Variants in SNAP23 observed in about 807,000 individuals in gnomAD.
SNAP23 encodes synaptosome associated protein 23.
SNAP23 carries 11 observed loss-of-function variants against 29.0 expected under a neutral mutation model. The ratio of observed to expected loss-of-function variants is 0.38; its 90% CI spans 0.24 to 0.63. The LOEUF is 0.63. Among genes scored for constraint, SNAP23 ranks in the 20% least tolerant of loss-of-function variants. The pLI is 0.58. For missense variants in SNAP23, 220 were observed against 253.9 expected (o/e 0.87, Z 0.91); for synonymous variants, 60 against 82.9 (o/e 0.72, Z 1.50).
intron 4 of SNAP23, among the ~76,000 whole-genome samples, chr15:42,513,849 T>C (rs1301864457): frequency 6.6e-6 from 1 of 152,118 alleles, no homozygotes; most frequent in African/African-American, 2.4e-5. Flanking sequence ...GTTTCGCTCT[T>C]CTTGCCCAGG....
chr15:42,525,293 G>A (rs370511023), intron 5 of SNAP23, among the ~76,000 whole-genome samples: 181 of 150,752 alleles, frequency 1.2e-3, no homozygotes, highest in African/African-American at 4.2e-3. Context: ...GTGTGAACCC[G>A]GGAGGCGGAG....
chr15:42,506,077 CT>C (rs928227240), intron 1 of SNAP23, among the ~76,000 whole-genome samples: 1 of 151,510 alleles, frequency 6.6e-6, no homozygotes, highest in Admixed American at 6.6e-5. Flanking sequence ...TCCCGAGTAG[CT>C]GGGACTACAG....
chr15:42,500,296 G>GAGTGCTGA (rs1423491886), intron 1 of SNAP23, among the ~76,000 whole-genome samples: 1 of 151,030 alleles, frequency 6.6e-6, no homozygotes, highest in Admixed American at 6.6e-5. Flanking sequence ...TTATCTCCAA[G>GAGTGCTGA]AGTGCTGAAC....
At chr15:42,513,229 T>C (rs939650595) in intron 3 of SNAP23, 170 bp from the exon 4 acceptor site, 1 of 754,088 alleles carries the variant, frequency 1.3e-6, no homozygotes, top group South Asian at 1.5e-5. Flanking sequence ...TTAATTATTT[T>C]GGGGGCTGCT....
At chr15:42,513,608 T>C (rs542924637) in intron 4 of SNAP23, among the ~76,000 whole-genome samples, 161 bp downstream of exon 4, 43 of 152,364 alleles carry the variant, frequency 2.8e-4, no homozygotes, top group Admixed American at 9.1e-4. Flanking sequence ...ATATATCATG[T>C]TCACTGTCTA....
intron 1 of SNAP23, among the ~76,000 whole-genome samples, chr15:42,510,050 C>G (rs2057348184): frequency 6.6e-6 from 1 of 152,012 alleles, no homozygotes; most frequent in Admixed American, 6.6e-5. Flanking sequence ...GCCTGGGCAA[C>G]AGAGTGAGAC....
chr15:42,497,269 C>T (rs950853271), intron 1 of SNAP23, among the ~76,000 whole-genome samples: 2 of 143,598 alleles, frequency 1.4e-5, no homozygotes, highest in African/African-American at 5.3e-5. Context: ...AGTGCAGTGG[C>T]GCGATCTTGG....
intron 1 of SNAP23, among the ~76,000 whole-genome samples, chr15:42,499,760 T>G (rs2057252852): frequency 1.3e-5 from 2 of 152,220 alleles, no homozygotes; most frequent in Admixed American, 6.5e-5. Context: ...AAGATTGAAC[T>G]AAAGCTTATG....
Position 42,528,311 on chromosome 15 carries a change from G to A in SNAP23, c.316G>A (p.Gly106Ser), listed in dbSNP as rs1323180650. 6.2e-7 allele frequency: 1 copy of A among 1,613,924 alleles called. No homozygotes were observed. Among genetic ancestry groups the A allele is most frequent in the Non-Finnish European group, 8.5e-7 (1 of 1,179,982 alleles). The change falls in exon 6 of 8, where the codon GGT becomes AGT. Residue 106 changes from glycine to serine, a missense_variant. Gly to Ser is a moderately conservative substitution (Grantham distance 56, BLOSUM62 0). Coordinates refer to ENST00000249647, the MANE Select transcript of SNAP23 (RefSeq NM_003825.4). ...GGCTTATAAGACAACATGGGGAGATGGTGGAGAAAACTCACCTTGCAATGT... is the reference window on the plus strand; with the variant it reads ...GGCTTATAAGACAACATGGGGAGATAGTGGAGAAAACTCACCTTGCAATGT... ...GKAYKTTWGD[G>S]GENSPCNVVS...
At chr15:42,497,598 T>C (rs1390914335) in intron 1 of SNAP23, among the ~76,000 whole-genome samples, 1 of 151,966 alleles carries the variant, frequency 6.6e-6, no homozygotes, top group Non-Finnish European at 1.5e-5. Context: ...CCACCTCATC[T>C]TCCCAAGGTG....
intron 5 of SNAP23, among the ~76,000 whole-genome samples, chr15:42,525,243 C>T (rs1052175941): frequency 1.3e-5 from 2 of 151,358 alleles, no homozygotes; most frequent in Non-Finnish European, 2.9e-5. Flanking sequence ...TGGCAGGCGC[C>T]TGTAGTCCCA....
At chr15:42,502,929 A>G (rs1487902141) in intron 1 of SNAP23, among the ~76,000 whole-genome samples, 2 of 152,188 alleles carry the variant, frequency 1.3e-5, no homozygotes, top group African/African-American at 2.4e-5. Flanking sequence ...TTAAGTTACC[A>G]TAGGTGCTTC....
chr15:42,512,843 C>A, intron 2 of SNAP23, 112 bp from the exon 3 acceptor site: 1 of 752,798 alleles, frequency 1.3e-6, no homozygotes, highest in Non-Finnish European at 2.3e-6. Flanking sequence ...AGCCACTGTG[C>A]CCGGCCTGAG....
intron 7 of SNAP23, among the ~76,000 whole-genome samples, chr15:42,530,361 T>G (rs189347449): frequency 6.6e-6 from 1 of 152,230 alleles, no homozygotes. Context: ...AATAGAGTCA[T>G]GTGAGTGAAA....
chr15:42,508,658 C>A (rs1466210524), intron 1 of SNAP23, among the ~76,000 whole-genome samples: 2 of 152,194 alleles, frequency 1.3e-5, no homozygotes, highest in African/African-American at 4.8e-5. Flanking sequence ...CCAGTTATAT[C>A]TGCTTTCTTT....
intron 1 of SNAP23, chr15:42,505,093 T>C (rs543903395): frequency 1.3e-5 from 2 of 151,834 alleles, no homozygotes; most frequent in African/African-American, 4.9e-5. Flanking sequence ...GTGAAATTGA[T>C]GGTGATTTTT....
At chr15:42,504,458 TG>T (rs1302288832) in intron 1 of SNAP23, among the ~76,000 whole-genome samples, 7 of 152,248 alleles carry the variant, frequency 4.6e-5, no homozygotes, top group Admixed American at 6.5e-5. Flanking sequence ...GCCTTGCAGA[TG>T]GAACTATTAA....
At chr15:42,521,363 G>C in intron 5 of SNAP23, 1 of 731,534 alleles carries the variant, frequency 1.4e-6, no homozygotes, top group Non-Finnish European at 1.7e-6. Context: ...TCTAATTTTA[G>C]GAAAGAATAT....
chr15:42,491,733 C>A (rs1032538803), upstream of SNAP23, among the ~76,000 whole-genome samples: 1 of 152,170 alleles, frequency 6.6e-6, no homozygotes, highest in Non-Finnish European at 1.5e-5. Flanking sequence ...TATTCTTACT[C>A]ATGCCTAAGG....
Sources: gnomAD v4.1 joint callset for allele counts (sites outside exome capture counted in the v4.1 genomes callset) on GRCh38, gnomAD v4.1.1 for gene constraint, MANE v1.5 for transcripts, NCBI Gene and HGNC (gene_info 2026-07-23, HGNC 2026-07-21) for gene names.